The following ITGA8 variants were observed in gnomAD, a reference collection of about 807,000 sequenced individuals.
The protein encoded by ITGA8 is integrin subunit alpha 8, also known as integrin alpha-8.
In ITGA8, 91 loss-of-function variants were observed where a neutral mutation model predicts 142.3. The ratio of observed to expected loss-of-function variants is 0.64; its 90% CI spans 0.54 to 0.76. The LOEUF is 0.76. Ranked by LOEUF, ITGA8 falls within the 30% of genes least tolerant of loss-of-function variation. ITGA8 has a pLI of 0.00. For synonymous variants in ITGA8, 505 were observed against 485.2 expected (o/e 1.04, Z -0.54); for missense variants, 1,406 against 1,327.7 (o/e 1.06, Z -0.92).
At chr10:15,665,998 C>A (rs574831146) in intron 8 of ITGA8, among the ~76,000 whole-genome samples, 112 of 152,264 alleles carry the variant, frequency 7.4e-4, no homozygotes, top group African/African-American at 2.6e-3. Flanking sequence ...TTGGCGAAGC[C>A]GGCTCTTTTT....
chr10:15,676,158 G>A (rs1228217811), intron 6 of ITGA8, among the ~76,000 whole-genome samples: 1 of 152,004 alleles, frequency 6.6e-6, no homozygotes, highest in Non-Finnish European at 1.5e-5. Flanking sequence ...CACCTACGCT[G>A]CCCTCCTGCC....
intron 25 of ITGA8, among the ~76,000 whole-genome samples, chr10:15,559,632 T>G (rs944321782): frequency 4.6e-5 from 7 of 151,986 alleles, no homozygotes; most frequent in Non-Finnish European, 1.0e-4. Flanking sequence ...GGTGAAGACC[T>G]TTATGCACTG....
At chr10:15,579,930 A>G (rs977872237) in intron 23 of ITGA8, among the ~76,000 whole-genome samples, 2 of 151,292 alleles carry the variant, frequency 1.3e-5, no homozygotes, top group Non-Finnish European at 3.0e-5. Context: ...GTCAAGCATA[A>G]CATTTCTGCA....
intron 20 of ITGA8, among the ~76,000 whole-genome samples, chr10:15,600,632 C>G (rs778447300): frequency 6.6e-6 from 1 of 152,116 alleles, no homozygotes; most frequent in African/African-American, 2.4e-5. Context: ...TTATCCTCAA[C>G]GCAATGGGGA....
intron 7 of ITGA8, 101 bp downstream of exon 7, chr10:15,672,523 G>C: frequency 7.3e-7 from 1 of 1,363,160 alleles, no homozygotes; most frequent in Non-Finnish European, 9.9e-7. Flanking sequence ...ATTTGTATAA[G>C]ATGCCAAATA....
intron 8 of ITGA8, 57 bp downstream of exon 8, chr10:15,671,546 C>T: frequency 7.0e-7 from 1 of 1,423,738 alleles, no homozygotes; most frequent in South Asian, 1.2e-5. Context: ...ACTTTATATG[C>T]CATTTTACCA....
chr10:15,616,892 G>C (rs1025395974), intron 13 of ITGA8, among the ~76,000 whole-genome samples: 1 of 152,212 alleles, frequency 6.6e-6, no homozygotes, highest in African/African-American at 2.4e-5. Context: ...CAGCTGCTTA[G>C]TGTCTGCTAG....
chr10:15,658,684 CT>C, intron 10 of ITGA8, among the ~76,000 whole-genome samples: 1 of 152,332 alleles, frequency 6.6e-6, no homozygotes, highest in East Asian at 1.9e-4. Context: ...TTCCTTGCCA[CT>C]TCCCTCCTGT....
At chr10:15,644,456 AT>A (rs1564388798) in intron 12 of ITGA8, among the ~76,000 whole-genome samples, 208 of 7,100 alleles carry the variant, frequency 0.029, 30 homozygotes, top group Non-Finnish European at 0.085. Flanking sequence ...ATATATATAT[AT>A]ATATATATAT....
chr10:15,588,133 T>C (rs1384145575), intron 22 of ITGA8, among the ~76,000 whole-genome samples: 1 of 152,164 alleles, frequency 6.6e-6, no homozygotes, highest in East Asian at 1.9e-4. Context: ...ATGATGGTAA[T>C]GCGGTAGGTT....
At chr10:15,548,635 C>T in intron 26 of ITGA8, 67 bp from the exon 27 acceptor site, 3 of 943,738 alleles carry the variant, frequency 3.2e-6, no homozygotes, top group Non-Finnish European at 4.9e-6. Context: ...CTGAAGTTAG[C>T]TTATTTACAT....
At chr10:15,674,938 C>A (rs1169789680) in intron 6 of ITGA8, among the ~76,000 whole-genome samples, 8 of 148,860 alleles carry the variant, frequency 5.4e-5, no homozygotes, top group Non-Finnish European at 6.0e-5. Context: ...AGACTCGTCT[C>A]AAAAAAAAAA....
At position 15,655,396 on chromosome 10, in the gene ITGA8, T is replaced by G; in HGVS notation, c.959A>C (p.Tyr320Ser). Residue 320 changes from tyrosine to serine, a missense_variant, in exon 11 of 30, where the codon TAT becomes TCT. By Grantham distance (144) the Tyr-to-Ser change is moderately radical (BLOSUM62 -2). Coordinates refer to ENST00000378076, the MANE Select transcript of ITGA8 (RefSeq NM_003638.3). ...TGATACGACAACGGTATATCCAAAA[T>G]AAGATGCCATCTGCAAAGGAAAATC... The part of the protein sequence containing the change: ...QNFTGEQMAS[Y>S]FGYTVVVSDV... The G allele has an allele frequency of 6.2e-7, 1 of 1,610,982 alleles. No homozygotes were observed. The highest frequency in any genetic ancestry group is 8.5e-7 in the Non-Finnish European group (1 of 1,177,554).
intron 14 of ITGA8, among the ~76,000 whole-genome samples, chr10:15,614,696 C>T (rs1195217522): frequency 6.6e-6 from 1 of 152,138 alleles, no homozygotes; most frequent in Non-Finnish European, 1.5e-5. Context: ...GGATAAGTTT[C>T]CCCCCAACAA....
intron 8 of ITGA8, among the ~76,000 whole-genome samples, chr10:15,668,112 AG>A (rs1178806826): frequency 7.2e-5 from 11 of 152,238 alleles, no homozygotes; most frequent in African/African-American, 2.6e-4. Flanking sequence ...TAATGTTGAC[AG>A]GGGGGTGTTA....
At chr10:15,682,580 T>A (rs1834757212) in intron 4 of ITGA8, among the ~76,000 whole-genome samples, 1 of 152,136 alleles carries the variant, frequency 6.6e-6, no homozygotes, top group African/African-American at 2.4e-5. Context: ...TCAAGCCAGG[T>A]GTGGCGGCGC....
At chr10:15,571,912 T>C (rs1233768729) in intron 25 of ITGA8, among the ~76,000 whole-genome samples, 1 of 152,246 alleles carries the variant, frequency 6.6e-6, no homozygotes, top group African/African-American at 2.4e-5. Flanking sequence ...GATATGTCTA[T>C]TTATGATTTT....
intron 2 of ITGA8, among the ~76,000 whole-genome samples, chr10:15,704,988 G>T (rs1445713536): frequency 1.0e-5 from 1 of 97,926 alleles, no homozygotes; most frequent in South Asian, 4.8e-4. Context: ...TTCGTATTAT[G>T]GTTTTTGTTG....
chr10:15,581,037 C>T (rs1291329469), intron 23 of ITGA8, among the ~76,000 whole-genome samples: 1 of 152,198 alleles, frequency 6.6e-6, no homozygotes, highest in Non-Finnish European at 1.5e-5. Flanking sequence ...TGAGTAAGCT[C>T]TTGGAATTTT....
Sources: gnomAD v4.1 joint callset for allele counts (sites outside exome capture counted in the v4.1 genomes callset) on GRCh38, gnomAD v4.1.1 for gene constraint, MANE v1.5 for transcripts, NCBI Gene and HGNC (gene_info 2026-07-23, HGNC 2026-07-21) for gene names.